TTL: variants seen among roughly 807,000 people sequenced by gnomAD.
TTL encodes tubulin tyrosine ligase.
In TTL, 10 loss-of-function variants were observed where a neutral mutation model predicts 41.1. The observed-to-expected ratio is 0.24, with a 90% CI of 0.15 to 0.41. The LOEUF (loss-of-function observed/expected upper bound fraction) is 0.41. TTL is among the 10% of genes least tolerant of loss of function. The pLI is 1.00. For missense variants in TTL, 367 were observed against 460.4 expected (o/e 0.80, Z 1.86); for synonymous variants, 175 against 175.5 (o/e 1.00, Z 0.02).
In TTL at chr2:112,538,853, C is replaced by G. The variant is rs1034627189; in HGVS notation, c.*10058C>G. Reference sequence around the variant, plus strand: ...TGGGAAGAGGCCAGTCGCGGTGGCTCACGCCTGTCATCCCAGCACTTTGGG... The same window carrying G: ...TGGGAAGAGGCCAGTCGCGGTGGCTGACGCCTGTCATCCCAGCACTTTGGG... On this transcript the variant is annotated 3_prime_UTR_variant, in exon 7 of 7. Transcript: ENST00000233336. The G allele has an allele frequency of 2.0e-5, 3 of 152,172 alleles. No individual in the cohort carries two copies. Among genetic ancestry groups the G allele is most frequent in the African/African-American group, 7.2e-5 (3 of 41,382 alleles). The allele number at this position is 152,172 out of a possible 1,614,324, so 9.4% of individuals were successfully genotyped here.
At position 112,482,207 on chromosome 2, in the gene TTL, C is replaced by G; in HGVS notation, c.-138C>G. 2 of 515,014 alleles carry G rather than the reference C, an allele frequency of 3.9e-6. No homozygotes were observed. The highest frequency in any genetic ancestry group is 5.0e-6 in the Non-Finnish European group (2 of 403,716). The allele number at this position is 515,014 out of a possible 1,614,324, so 31.9% of individuals were successfully genotyped here. A position where few individuals can be genotyped will look rare whatever the true frequency, so the allele number is the denominator to read the frequency against. On this transcript the variant is annotated 5_prime_UTR_variant, in exon 1 of 7. Coordinates refer to ENST00000233336, the MANE Select transcript of TTL (RefSeq NM_153712.5). The surrounding 1 kb of genome is among the most constrained non-coding windows in gnomAD (Gnocchi z 5.3). Reference sequence around the variant, plus strand: ...GCCCGGGCGCGGCGCCGCCGGCACCCGAGAGGCGCGGTAGCCGGCGCGGGC... The same window carrying G: ...GCCCGGGCGCGGCGCCGCCGGCACCGGAGAGGCGCGGTAGCCGGCGCGGGC...
Position 112,530,834 on chromosome 2 carries a change from A to T in TTL, c.*2039A>T, listed in dbSNP as rs1401453490. 5.3e-6 allele frequency: 1 copy of T among 189,316 alleles called. No homozygotes were observed. The highest frequency in any genetic ancestry group is 2.3e-5 in the African/African-American group (1 of 42,870). 11.7% of individuals were successfully genotyped at this position (189,316 alleles called of 1,614,324 possible). ...AGGGAAGTAAGACTTTTAAGAAAAG[A>T]AAAAGTTATGCCTCATTCCTCATGT... On this transcript the variant is annotated 3_prime_UTR_variant, in exon 7 of 7. Coordinates refer to ENST00000233336, the MANE Select transcript of TTL (RefSeq NM_153712.5).
Position 112,530,653 on chromosome 2 carries a change from G to A in TTL, c.*1858G>A. Reference sequence around the variant, plus strand: ...GGGCATTTTTGTATTGCTGTCACATGCTAACAGAGGTTTGTAATTATCTTT... The same window carrying A: ...GGGCATTTTTGTATTGCTGTCACATACTAACAGAGGTTTGTAATTATCTTT... On this transcript the variant is annotated 3_prime_UTR_variant, in exon 7 of 7. Transcript: ENST00000233336. 4.5e-6 allele frequency: 1 copy of A among 221,730 alleles called. No individual in the cohort carries two copies. Among genetic ancestry groups the A allele is most frequent in the Non-Finnish European group, 9.0e-6 (1 of 110,754 alleles). 13.7% of individuals were successfully genotyped at this position (221,730 alleles called of 1,614,324 possible).
chr2:112,494,735 C>G (rs893147636), intron 3 of TTL, among the ~76,000 whole-genome samples: 8 of 152,266 alleles, frequency 5.3e-5, no homozygotes, highest in Non-Finnish European at 1.2e-4. Flanking sequence ...AGCTTAAAAC[C>G]TAGGATTCAT....
At chr2:112,494,404 A>G in intron 3 of TTL, 29 bp downstream of exon 3, 3 of 1,551,640 alleles carry the variant, frequency 1.9e-6, no homozygotes, top group South Asian at 2.3e-5. Flanking sequence ...CCCCTTCTCT[A>G]TTCCTGGTAA....
rs1681113419 is a variant in TTL at position 112,482,374 on chromosome 2, C to T, written c.30C>T (p.Asn10=). The part of the protein sequence containing the change: MYTFVVRDE[N]SSVYAEVSRL... ...ACACCTTCGTGGTACGCGATGAGAA[C>T]AGCAGCGTCTACGCCGAGGTCTCCC... The change falls in exon 1 of 7, where the codon AAC becomes AAT. Residue 10 remains asparagine, a synonymous_variant. Transcript: ENST00000233336. The surrounding 1 kb of genome is among the most constrained non-coding windows in gnomAD (Gnocchi z 5.3). The T allele has an allele frequency of 6.3e-7, 1 of 1,580,518 alleles. No homozygotes were observed. Among genetic ancestry groups the T allele is most frequent in the Non-Finnish European group, 8.6e-7 (1 of 1,164,236 alleles).
rs565163949 is a variant in TTL at position 112,526,166 on chromosome 2, T to C, written c.1020-2515T>C. ...TGATCATGGTGGATAAGCTTTTTGA[T>C]GTGCTGCTGGATTTAGTTTGCCAGT... On this transcript the variant is annotated intron_variant, in intron 6 of 6. Coordinates refer to ENST00000233336, the MANE Select transcript of TTL (RefSeq NM_153712.5). Among the ~76,000 whole-genome samples, 3 of 152,344 alleles carry C rather than the reference T, an allele frequency of 2.0e-5. No homozygotes were observed. In the South Asian group the frequency reaches 6.2e-4, roughly 32 times the overall value.
chr2:112,494,582 C>A (rs967222002), intron 3 of TTL, among the ~76,000 whole-genome samples: 1 of 152,056 alleles, frequency 6.6e-6, no homozygotes, highest in East Asian at 1.9e-4. Flanking sequence ...CCATTGACAC[C>A]CTCACCATCT....
intron 5 of TTL, among the ~76,000 whole-genome samples, chr2:112,503,606 T>C (rs1350405017): frequency 6.7e-6 from 1 of 148,902 alleles, no homozygotes; most frequent in African/African-American, 2.4e-5. Flanking sequence ...GCTAATTTTG[T>C]ACTTTTAGTA....
chr2:112,492,214 G>A (rs952233345), intron 2 of TTL, among the ~76,000 whole-genome samples: 4 of 152,206 alleles, frequency 2.6e-5, no homozygotes, highest in Non-Finnish European at 4.4e-5. Context: ...AGAAAGTGAA[G>A]TATTATCTCA....
intron 1 of TTL, among the ~76,000 whole-genome samples, chr2:112,484,896 A>G (rs1301164446): frequency 6.6e-6 from 1 of 152,186 alleles, no homozygotes; most frequent in Non-Finnish European, 1.5e-5. Flanking sequence ...TCTTACTTTG[A>G]TTTTGTTACT....
intron 2 of TTL, among the ~76,000 whole-genome samples, 177 bp from the exon 3 acceptor site, chr2:112,493,966 C>T (rs550495006): frequency 4.7e-4 from 71 of 152,204 alleles, no homozygotes; most frequent in African/African-American, 1.6e-3. Context: ...AACAGCTGTG[C>T]GCTCCCCAAT....
At chr2:112,503,401 G>GTATATA (rs778664034) in intron 5 of TTL, among the ~76,000 whole-genome samples, 214 of 128,358 alleles carry the variant, frequency 1.7e-3, no homozygotes, top group African/African-American at 5.4e-3. Flanking sequence ...GTGTGTGTGT[G>GTATATA]TGTATATATA....
chr2:112,509,514 A>G (rs1009196247), intron 5 of TTL, among the ~76,000 whole-genome samples: 4 of 152,164 alleles, frequency 2.6e-5, no homozygotes, highest in Admixed American at 1.3e-4. Flanking sequence ...ATATAATCTC[A>G]TGGTGCGCCG....
Position 112,485,489 on chromosome 2 carries a change from C to T in TTL, c.158-428C>T, listed in dbSNP as rs72833441. ...GACCAGCATCATTCTAGTTCTCCTT[C>T]CTTCCTTGGTATGGAAAGCCAGGTT... On this transcript the variant is annotated intron_variant, in intron 1 of 6. Transcript: ENST00000233336. Among the ~76,000 whole-genome samples the T allele has an allele frequency of 1.3e-4, 20 of 152,286 alleles. 1 individual carries two copies. Among genetic ancestry groups the T allele is most frequent in the Non-Finnish European group, 2.5e-4 (17 of 68,030 alleles).
Position 112,488,706 on chromosome 2 carries a change from C to T in TTL, c.236+2711C>T, listed in dbSNP as rs139352699. Among the ~76,000 whole-genome samples the T allele has an allele frequency of 5.3e-3, 778 of 146,834 alleles. 5 individuals carry two copies. The highest frequency in any genetic ancestry group is 0.012 in the Middle Eastern group (3 of 258). On this transcript the variant is annotated intron_variant, in intron 2 of 6. Coordinates refer to ENST00000233336, the MANE Select transcript of TTL (RefSeq NM_153712.5). ...CTGAGAGGTGGAGGTTGCAGTGAGC[C>T]GAGATCATGCCACTGCACTCCAGCT... is the stretch of plus-strand genomic sequence containing the variant.
chr2:112,519,504 T>C (rs1682161823), intron 5 of TTL, among the ~76,000 whole-genome samples: 1 of 151,596 alleles, frequency 6.6e-6, no homozygotes, highest in Non-Finnish European at 1.5e-5. Flanking sequence ...TAATTAGCAA[T>C]AATTTGCCAT....
rs1682732217 is a variant in TTL, at chr2:112,541,354, C to T, written c.*12559C>T. On this transcript the variant is annotated 3_prime_UTR_variant, in exon 7 of 7. Transcript: ENST00000233336. ...GTATAGGCTATATAAAGAACTACAACTACTCAGTTGGCCGGGCGCGCGCGG... is the reference window on the plus strand; with the variant it reads ...GTATAGGCTATATAAAGAACTACAATTACTCAGTTGGCCGGGCGCGCGCGG... 2 of 152,132 alleles carry T rather than the reference C, an allele frequency of 1.3e-5. No individual in the cohort carries two copies. The highest frequency in any genetic ancestry group is 4.1e-4 in the South Asian group (2 of 4,838). The allele number at this position is 152,132 out of a possible 1,614,324, so 9.4% of individuals were successfully genotyped here.
At chr2:112,520,561 C>CT in intron 6 of TTL, 136 bp downstream of exon 6, 1 of 1,237,938 alleles carries the variant, frequency 8.1e-7, no homozygotes, top group Non-Finnish European at 1.1e-6. Context: ...TGGGAGGACT[C>CT]TATCTGGCAG....
Sources: gnomAD v4.1 joint callset for allele counts (sites outside exome capture counted in the v4.1 genomes callset) on GRCh38, gnomAD v4.1.1 for gene constraint, Gnocchi (gnomAD v3.1) non-coding constraint, MANE v1.5 for transcripts, NCBI Gene and HGNC (gene_info 2026-07-23, HGNC 2026-07-21) for gene names.